ADGRG1: variants seen among roughly 807,000 people sequenced by gnomAD.
The protein encoded by ADGRG1 is adhesion G protein-coupled receptor G1, also known as 7-transmembrane protein with no EGF-like N-terminal domains-1.
ADGRG1 carries 53 observed loss-of-function variants against 73.5 expected under a neutral mutation model. The observed-to-expected ratio is 0.72, with a 90% CI of 0.58 to 0.91. ADGRG1 has a LOEUF of 0.91. ADGRG1 is among the 40% of genes least tolerant of loss of function. The pLI is 0.00. For missense variants in ADGRG1, 795 were observed against 871.8 expected (o/e 0.91, Z 1.11); for synonymous variants, 394 against 374.4 (o/e 1.05, Z -0.60).
intron 1 of ADGRG1, chr16:57,646,579 A>G (rs1175461759): frequency 2.0e-6 from 2 of 985,288 alleles, no homozygotes; most frequent in East Asian, 1.1e-4. Flanking sequence ...CCTCTATCCC[A>G]GGCTGGATTC....
At chr16:57,661,584 C>G in intron 12 of ADGRG1, 113 bp from the exon 13 acceptor site, 1 of 1,521,132 alleles carries the variant, frequency 6.6e-7, no homozygotes, top group Non-Finnish European at 8.8e-7. Context: ...AAATAGAAAA[C>G]AAGCGCACTT....
chr16:57,648,817 T>C, intron 1 of ADGRG1: 1 of 515,948 alleles, frequency 1.9e-6, no homozygotes, highest in Non-Finnish European at 2.5e-6. Flanking sequence ...GGGCCAAGCC[T>C]TCTGGCAAGT....
intron 4 of ADGRG1, chr16:57,653,605 C>T: frequency 1.0e-6 from 1 of 983,602 alleles, no homozygotes; most frequent in South Asian, 4.7e-5. Context: ...TACAGCCCAG[C>T]AGACCAAGGC....
intron 1 of ADGRG1, chr16:57,631,375 G>C (rs2037858909): frequency 2.0e-6 from 2 of 985,956 alleles, no homozygotes; most frequent in African/African-American, 3.5e-5. Flanking sequence ...TGCAGGTGGG[G>C]TCTGGGGGGC....
intron 1 of ADGRG1, among the ~76,000 whole-genome samples, chr16:57,638,040 A>G (rs1567695834): frequency 2.0e-5 from 3 of 152,206 alleles, no homozygotes; most frequent in Non-Finnish European, 4.4e-5. Context: ...GGCGTACCAC[A>G]GTTTTTATGT....
chr16:57,644,917 TCA>T, intron 1 of ADGRG1: 4 of 169,460 alleles, frequency 2.4e-5, no homozygotes, highest in East Asian at 5.7e-4. Context: ...ACTTCATAAC[TCA>T]TGCACACACA....
intron 2 of ADGRG1, among the ~76,000 whole-genome samples, chr16:57,622,440 T>C (rs879361179): frequency 3.3e-5 from 5 of 152,076 alleles, no homozygotes; most frequent in Admixed American, 6.6e-5. Flanking sequence ...GGAGCCACAC[T>C]CGGAGGAGGG....
chr16:57,644,259 C>A, intron 1 of ADGRG1: 1 of 880,704 alleles, frequency 1.1e-6, no homozygotes, highest in Non-Finnish European at 1.4e-6. Context: ...CATGCACAGT[C>A]ATGCACGGGC....
At chr16:57,648,342 A>G in intron 1 of ADGRG1, 1 of 498,044 alleles carries the variant, frequency 2.0e-6, no homozygotes, top group Non-Finnish European at 2.6e-6. Context: ...ATGCTTACAA[A>G]TCACAACCTG....
intron 1 of ADGRG1, chr16:57,647,059 G>C: frequency 2.1e-6 from 2 of 957,524 alleles, no homozygotes; most frequent in Non-Finnish European, 2.5e-6. Flanking sequence ...CATCCCTGGC[G>C]CCTGGGTGGG....
intron 1 of ADGRG1, chr16:57,647,399 G>C: frequency 1.0e-6 from 1 of 985,036 alleles, no homozygotes; most frequent in Non-Finnish European, 1.2e-6. Context: ...GCCTGTGACA[G>C]GCCCAGGGGG....
At chr16:57,644,724 C>G (rs1232292480) in intron 1 of ADGRG1, among the ~76,000 whole-genome samples, 1 of 62,400 alleles carries the variant, frequency 1.6e-5, no homozygotes, top group African/African-American at 7.1e-5. Context: ...ATCACACGCA[C>G]TGGCACACAC....
At chr16:57,629,054 G>T (rs1029051919) in intron 1 of ADGRG1, 97 of 532,502 alleles carry the variant, frequency 1.8e-4, no homozygotes, top group Non-Finnish European at 2.2e-4. Context: ...GAGTGTGTGT[G>T]AGTATGAGTG....
intron 1 of ADGRG1, chr16:57,644,125 T>G (rs1280776249): frequency 2.1e-6 from 2 of 930,484 alleles, no homozygotes; most frequent in Non-Finnish European, 2.6e-6. Context: ...CCCTGTCCCC[T>G]TCCCAGCTTT....
intron 5 of ADGRG1, 123 bp downstream of exon 5, chr16:57,654,256 G>T: frequency 1.0e-6 from 1 of 982,502 alleles, no homozygotes; most frequent in Non-Finnish European, 1.5e-6. Flanking sequence ...CTCCCGAGAA[G>T]GTTCCAGGCC....
intron 1 of ADGRG1, chr16:57,630,268 G>A: frequency 1.6e-6 from 1 of 640,692 alleles, no homozygotes; most frequent in Non-Finnish European, 1.9e-6. Context: ...TAATAACCAT[G>A]GGCTGCCAAG....
At chr16:57,663,385 G>C (rs1316551139) in intron 13 of ADGRG1, 67 bp from the exon 14 acceptor site, 22 of 1,601,614 alleles carry the variant, frequency 1.4e-5, no homozygotes, top group Admixed American at 1.7e-5. Context: ...ACAATGGCTG[G>C]GGAGGGAGGA....
In ADGRG1 at chr16:57,651,447, C is replaced by T. The variant is rs2044069984; in HGVS notation, c.312C>T (p.Leu104=). ...GACATGCTGGGAGATTACATCTTCTCTATGGCAAGCGTGACTTCTTGCTGA... is the reference window on the plus strand; with the variant it reads ...GACATGCTGGGAGATTACATCTTCTTTATGGCAAGCGTGACTTCTTGCTGA... ...WNRHAGRLHL[L]YGKRDFLLSD... is the part of the protein sequence containing the mutation. The change falls in exon 3 of 14, where the codon CTC becomes CTT. Residue 104 remains leucine (L), a synonymous_variant. Transcript: ENST00000562631. The T allele has an allele frequency of 1.9e-6, 3 of 1,614,248 alleles. No individual in the cohort carries two copies. Among genetic ancestry groups the T allele is most frequent in the Admixed American group, 1.7e-5 (1 of 60,030 alleles).
upstream of ADGRG1, chr16:57,624,192 C>G: frequency 1.0e-6 from 1 of 983,252 alleles, no homozygotes; most frequent in Non-Finnish European, 1.2e-6. Flanking sequence ...ATGAACTGCT[C>G]TTGTCTAAAA....
Sources: allele counts gnomAD v4.1 joint callset (sites outside exome capture counted in the v4.1 genomes callset), GRCh38; gene constraint gnomAD v4.1.1; transcripts MANE v1.5; gene names NCBI Gene and HGNC (gene_info 2026-07-23, HGNC 2026-07-21).